TMEM59: variants seen among roughly 807,000 people sequenced by gnomAD.
TMEM59 encodes transmembrane protein 59.
In TMEM59, 44 loss-of-function variants were observed where a neutral mutation model predicts 42.2. That is an observed-to-expected ratio of 1.04 (90% CI 0.82 to 1.34). The LOEUF (loss-of-function observed/expected upper bound fraction) is 1.34. Among genes scored for constraint, TMEM59 ranks in the 40% most tolerant of loss-of-function variants. The pLI is 0.00. For synonymous variants in TMEM59, 148 were observed against 145.8 expected (o/e 1.02, Z -0.11); for missense variants, 359 against 382.8 (o/e 0.94, Z 0.52).
rs751022293 is a variant in TMEM59, at chr1:54,043,431, A to T, written c.485T>A (p.Ile162Lys). 2.0e-5 allele frequency: 32 copies of T among 1,584,878 alleles called. 1 individual carries two copies. The Middle Eastern group carries it at 5.0e-4, about 25-fold the overall frequency. ...SDMMDSAQSF[I>K]TSSWTFYLQA... ...AAGATAAAAAGTCCATGAAGAGGTT[A>T]TGAAGCTCTGTGCGGAGTCCATCAT... Residue 162 changes from isoleucine (I) to lysine (K), a missense_variant, in exon 4 of 8, where the codon ATA (isoleucine) becomes AAA (lysine). Ile to Lys is a moderately radical substitution (Grantham distance 102). Coordinates refer to ENST00000234831, the MANE Select transcript of TMEM59 (RefSeq NM_004872.5).
chr1:54,037,592 T>A (rs1656993926), intron 6 of TMEM59, among the ~76,000 whole-genome samples: 1 of 152,176 alleles, frequency 6.6e-6, no homozygotes, highest in East Asian at 1.9e-4. Context: ...ACTCCCTAAT[T>A]TTCACATCTC....
upstream of TMEM59, chr1:54,053,239 G>T: frequency 6.3e-7 from 1 of 1,595,186 alleles, no homozygotes; most frequent in African/African-American, 1.3e-5. Flanking sequence ...TTCTCGGAAG[G>T]GTTTCCTCCT....
rs1160200996 is a variant in TMEM59 at position 54,029,690 on chromosome 1, A to G, written c.*2460T>C. 6.6e-6 allele frequency: 1 copy of G among 152,154 alleles called. No homozygotes were observed. Among genetic ancestry groups the G allele is most frequent in the East Asian group, 1.9e-4 (1 of 5,194 alleles). The allele number at this position is 152,154 out of a possible 1,614,324, so 9.4% of individuals were successfully genotyped here. On this transcript the variant is annotated 3_prime_UTR_variant, in exon 8 of 8. Coordinates refer to ENST00000234831, the MANE Select transcript of TMEM59 (RefSeq NM_004872.5). ...TTTCAAAAGTAAAATATTTCTTCTCAAAAGTAGATTCTGTGCTTCAGAATT... is the reference window on the plus strand; with the variant it reads ...TTTCAAAAGTAAAATATTTCTTCTCGAAAGTAGATTCTGTGCTTCAGAATT...
intron 7 of TMEM59, among the ~76,000 whole-genome samples, chr1:54,036,288 A>G (rs1290114412): frequency 1.3e-5 from 2 of 152,102 alleles, no homozygotes; most frequent in Non-Finnish European, 2.9e-5. Context: ...CTCAAAAAAA[A>G]AAAAAGTCTT....
chr1:54,036,678 C>T lies in TMEM59; in HGVS notation c.748G>A (p.Val250Met). Residue 250 changes from valine (V) to methionine (M), a missense_variant, in exon 7 of 8, where the codon GTG becomes ATG. Val to Met is a conservative substitution (Grantham distance 21, BLOSUM62 1). Coordinates refer to ENST00000234831, the MANE Select transcript of TMEM59 (RefSeq NM_004872.5). ...WILTTTLVLS[V>M]MVLLWICCAT... ...CAACAAATCCAAAGCAATACCATCA[C>T]CGAGAGGACAAGAGTTGTAGTTAAA... is the stretch of plus-strand genomic sequence containing the variant. The T allele has an allele frequency of 6.2e-7, 1 of 1,610,072 alleles. No individual in the cohort carries two copies. Among genetic ancestry groups the T allele is most frequent in the Non-Finnish European group, 8.5e-7 (1 of 1,178,068 alleles).
intron 4 of TMEM59, among the ~76,000 whole-genome samples, chr1:54,042,610 A>G (rs1657178345): frequency 6.6e-6 from 1 of 152,206 alleles, no homozygotes; most frequent in African/African-American, 2.4e-5. Flanking sequence ...GGTTTACTTT[A>G]TTACCTGAGA....
At chr1:54,043,333 T>C (rs749982760) in intron 4 of TMEM59, 40 bp downstream of exon 4, 53 of 1,458,396 alleles carry the variant, frequency 3.6e-5, no homozygotes, top group Non-Finnish European at 4.8e-5. Context: ...ACATTTACTG[T>C]TGTTAGTATT....
At chr1:54,047,544 T>C (rs1237032834) in intron 1 of TMEM59, 172 bp from the exon 2 acceptor site, 2 of 568,578 alleles carry the variant, frequency 3.5e-6, no homozygotes, top group African/African-American at 3.9e-5. Context: ...ACCTTTGCCA[T>C]ATAGAGGTTT....
chr1:54,047,333 A>G lies in TMEM59; in HGVS notation c.229T>C (p.Phe77Leu), dbSNP rs1169976154. 2 of 1,614,032 alleles carry G rather than the reference A, an allele frequency of 1.2e-6. No individual in the cohort carries two copies. The highest frequency in any genetic ancestry group is 1.7e-6 in the Non-Finnish European group (2 of 1,179,974). ...LYACQRGCRL[F>L]SICQFVDDGI... ...TCATCCACAAACTGACAAATTGAAA[A>G]CAGCCTGCAACCTCTCTGACATGCG... The change falls in exon 2 of 8, where the codon TTT becomes CTT. Residue 77 changes from phenylalanine (F) to leucine (L), a missense_variant. By Grantham distance (22) the Phe-to-Leu change is conservative. Coordinates refer to ENST00000234831, the MANE Select transcript of TMEM59 (RefSeq NM_004872.5).
At chr1:54,036,298 T>C (rs1656948529) in intron 7 of TMEM59, among the ~76,000 whole-genome samples, 1 of 151,914 alleles carries the variant, frequency 6.6e-6, no homozygotes, top group African/African-American at 2.4e-5. Flanking sequence ...AAAAAAGTCT[T>C]CTTTCCCATA....
intron 5 of TMEM59, among the ~76,000 whole-genome samples, chr1:54,041,268 A>G (rs899599819): frequency 5.9e-5 from 9 of 152,224 alleles, no homozygotes; most frequent in Admixed American, 2.6e-4. Flanking sequence ...TTATGTTCTT[A>G]TAAGTCAAAA....
intron 7 of TMEM59, among the ~76,000 whole-genome samples, chr1:54,035,425 T>C (rs1416184427): frequency 6.6e-6 from 1 of 152,198 alleles, no homozygotes; most frequent in African/African-American, 2.4e-5. Context: ...TATAAATACT[T>C]TTCTGTTCTT....
At chr1:54,048,852 A>G (rs1055146184) in intron 1 of TMEM59, among the ~76,000 whole-genome samples, 1 of 152,270 alleles carries the variant, frequency 6.6e-6, no homozygotes, top group East Asian at 1.9e-4. Context: ...CTTTGAAGGT[A>G]GCACACTTTT....
chr1:54,039,168 A>T (rs1196260962), intron 6 of TMEM59, among the ~76,000 whole-genome samples: 1 of 152,184 alleles, frequency 6.6e-6, no homozygotes, highest in East Asian at 1.9e-4. Flanking sequence ...TTTTTATTCA[A>T]ATGTAGGATC....
In TMEM59 at chr1:54,045,852, T is replaced by C. The variant is rs111659259; in HGVS notation, c.296-66A>G. The C allele has an allele frequency of 6.5e-4, 926 of 1,418,742 alleles. 6 individuals are homozygous for C. In the African/African-American group the frequency reaches 0.012, roughly 19 times the overall value. 87.9% of individuals were successfully genotyped at this position (1,418,742 alleles called of 1,614,324 possible). A position where few individuals can be genotyped will look rare whatever the true frequency, so the allele number is the denominator to read the frequency against. The stretch of plus-strand genomic sequence containing the variant: ...AAAGGGAAAGAGGAAAGAAAAGGAT[T>C]TGGCATTTTATTAAAAAAATTTTTA... On this transcript the variant is annotated intron_variant, in intron 2 of 7. Coordinates refer to ENST00000234831, the MANE Select transcript of TMEM59 (RefSeq NM_004872.5).
chr1:54,033,174 T>C (rs1464522563), intron 7 of TMEM59: 1 of 150,478 alleles, frequency 6.6e-6, no homozygotes, highest in African/African-American at 2.5e-5. Context: ...TTGCCTAGGC[T>C]GGTCTCAGAC....
At chr1:54,046,071 C>A (rs1657323385) in intron 2 of TMEM59, among the ~76,000 whole-genome samples, 2 of 152,136 alleles carry the variant, frequency 1.3e-5, no homozygotes. Context: ...GTGGAAAATG[C>A]ACTGGATTGG....
Position 54,032,349 on chromosome 1 carries a change from G to T in TMEM59, c.817-44C>A, listed in dbSNP as rs1432245035. 4.8e-6 allele frequency: 7 copies of T among 1,468,352 alleles called. No homozygotes were observed. The Admixed American group carries it at 1.6e-4, about 33-fold the overall frequency. 91.0% of individuals were successfully genotyped at this position (1,468,352 alleles called of 1,614,324 possible). Reference sequence around the variant, plus strand: ...GTACATTAGTAGTCTGGATAATTAGGAACCTCTCCAAGTTAGTCTTTAAAT... The same window carrying T: ...GTACATTAGTAGTCTGGATAATTAGTAACCTCTCCAAGTTAGTCTTTAAAT... On this transcript the variant is annotated intron_variant, in intron 7 of 7. Transcript: ENST00000234831.
intron 7 of TMEM59, among the ~76,000 whole-genome samples, chr1:54,035,273 T>C (rs1460058193): frequency 2.0e-5 from 3 of 152,204 alleles, no homozygotes; most frequent in Non-Finnish European, 4.4e-5. Context: ...AGGCACCATG[T>C]TAGGCACATG....
Sources: allele counts gnomAD v4.1 joint callset (sites outside exome capture counted in the v4.1 genomes callset), GRCh38; gene constraint gnomAD v4.1.1; transcripts MANE v1.5; gene names NCBI Gene and HGNC (gene_info 2026-07-23, HGNC 2026-07-21).